Variants in LRRTM4 observed in about 807,000 individuals in gnomAD.
LRRTM4 encodes leucine rich repeat transmembrane neuronal 4, also known as leucine-rich repeat transmembrane neuronal protein 4.
A neutral mutation model predicts 47.6 loss-of-function variants in LRRTM4; 25 were observed. The ratio of observed to expected loss-of-function variants is 0.53; its 90% confidence interval spans 0.38 to 0.73. The LOEUF is 0.73. LRRTM4 is among the 30% of genes least tolerant of loss of function. The pLI, the probability that LRRTM4 is intolerant of heterozygous loss-of-function variation, is 0.00. For missense variants in LRRTM4, 638 were observed against 713.4 expected (o/e 0.89, Z 1.20); for synonymous variants, 311 against 269.5 (o/e 1.15, Z -1.51).
In LRRTM4 at chr2:77,087,035, A is replaced by C. The variant is rs192473978; in HGVS notation, c.1552-338119T>G. On this transcript the variant is annotated intron_variant, in intron 3 of 3. Transcript: ENST00000409884. ...GTAATATTGCAATTATCAGAAACAC[A>C]AAAGAAGATAGAATTGAAAATCAGA... 8.4e-3 allele frequency among the ~76,000 whole-genome samples: 1,280 copies of C among 152,140 alleles called. 17 individuals are homozygous for C. Among genetic ancestry groups the C allele is most frequent in the African/African-American group, 0.029 (1,197 of 41,402 alleles).
At chr2:76,875,845 G>C (rs756400366) in intron 3 of LRRTM4, among the ~76,000 whole-genome samples, 1 of 152,088 alleles carries the variant, frequency 6.6e-6, no homozygotes, top group South Asian at 2.1e-4. Context: ...TCAATGTGTT[G>C]TGGGACTGGG....
chr2:76,815,340 C>A (rs1670868800), intron 3 of LRRTM4, among the ~76,000 whole-genome samples: 1 of 151,952 alleles, frequency 6.6e-6, no homozygotes, highest in African/African-American at 2.4e-5. Flanking sequence ...TAGGGAGGGG[C>A]CTGGCTCCAA....
chr2:77,056,249 G>C (rs1679604627), intron 3 of LRRTM4, among the ~76,000 whole-genome samples: 2 of 152,110 alleles, frequency 1.3e-5, no homozygotes, highest in South Asian at 4.1e-4. Flanking sequence ...GCAGTTTAGA[G>C]AGACCAATAA....
chr2:76,780,809 C>T (rs970447741), intron 3 of LRRTM4, among the ~76,000 whole-genome samples: 8 of 152,152 alleles, frequency 5.3e-5, no homozygotes, highest in South Asian at 4.2e-4. Context: ...TGAGGAACTG[C>T]GTTCCTTTGG....
At chr2:77,071,314 G>C (rs917668947) in intron 3 of LRRTM4, among the ~76,000 whole-genome samples, 1 of 151,984 alleles carries the variant, frequency 6.6e-6, no homozygotes, top group Non-Finnish European at 1.5e-5. Context: ...TATTCTTTTT[G>C]ATATATGCAT....
chr2:77,331,292 C>G (rs1670964383), intron 3 of LRRTM4, among the ~76,000 whole-genome samples: 1 of 151,982 alleles, frequency 6.6e-6, no homozygotes, highest in African/African-American at 2.4e-5. Flanking sequence ...AAAAGAAAAC[C>G]AGACAAAGTG....
At chr2:77,464,654 G>A (rs909137272) in intron 3 of LRRTM4, among the ~76,000 whole-genome samples, 1 of 152,086 alleles carries the variant, frequency 6.6e-6, no homozygotes, top group East Asian at 1.9e-4. Context: ...TCTTAGGCAC[G>A]TTTTGTTCTT....
At chr2:77,341,601 G>A (rs550756119) in intron 3 of LRRTM4, among the ~76,000 whole-genome samples, 10 of 152,106 alleles carry the variant, frequency 6.6e-5, no homozygotes, top group South Asian at 2.1e-4. Flanking sequence ...CGCATGCTGC[G>A]GTTTAGCGTA....
chr2:76,846,824 T>G (rs902151669), intron 3 of LRRTM4, among the ~76,000 whole-genome samples: 5 of 152,200 alleles, frequency 3.3e-5, no homozygotes, highest in Non-Finnish European at 7.3e-5. Flanking sequence ...GAAATTTTCA[T>G]GGATATAGCC....
chr2:77,002,565 T>C (rs1677473435), intron 3 of LRRTM4, among the ~76,000 whole-genome samples: 1 of 152,170 alleles, frequency 6.6e-6, no homozygotes. Context: ...TCAAACAATC[T>C]ATTCTTTTCA....
At chr2:77,062,994 G>A (rs369101655) in intron 3 of LRRTM4, among the ~76,000 whole-genome samples, 22 of 138,826 alleles carry the variant, frequency 1.6e-4, no homozygotes, top group South Asian at 2.2e-4. Context: ...TTGCTCTGTC[G>A]CCCAGGCTGG....
intron 3 of LRRTM4, among the ~76,000 whole-genome samples, chr2:77,113,721 T>C (rs1671313229): frequency 6.6e-6 from 1 of 151,970 alleles, no homozygotes; most frequent in Non-Finnish European, 1.5e-5. Flanking sequence ...AGAAGCAGCC[T>C]GAGTGGATGG....
chr2:77,271,880 G>A (rs143097796), intron 3 of LRRTM4, among the ~76,000 whole-genome samples: 11 of 152,128 alleles, frequency 7.2e-5, no homozygotes, highest in East Asian at 5.8e-4. Context: ...TGTGTCATGC[G>A]TACTCACTCC....
intron 3 of LRRTM4, among the ~76,000 whole-genome samples, chr2:77,070,617 T>C (rs1386413171): frequency 6.6e-6 from 1 of 152,068 alleles, no homozygotes; most frequent in Non-Finnish European, 1.5e-5. Flanking sequence ...ATAAAGTTGA[T>C]TTTTTTGTTT....
At chr2:77,491,581 GA>G (rs925889854) in intron 3 of LRRTM4, among the ~76,000 whole-genome samples, 2 of 150,054 alleles carry the variant, frequency 1.3e-5, no homozygotes, top group Non-Finnish European at 3.0e-5. Context: ...AAGTTTAAAA[GA>G]AAAAAATTCT....
chr2:77,473,372 T>C (rs1677263530), intron 3 of LRRTM4, among the ~76,000 whole-genome samples: 1 of 152,130 alleles, frequency 6.6e-6, no homozygotes, highest in Admixed American at 6.6e-5. Flanking sequence ...CAAGAAACCA[T>C]GTGAAATCAA....
intron 3 of LRRTM4, among the ~76,000 whole-genome samples, chr2:77,030,535 T>C (rs541604650): frequency 1.3e-4 from 20 of 152,306 alleles, no homozygotes; most frequent in African/African-American, 4.8e-4. Context: ...AGATAGTGAA[T>C]ATAAATACTT....
chr2:77,327,787 G>GA (rs1332351461), intron 3 of LRRTM4, among the ~76,000 whole-genome samples: 1 of 151,572 alleles, frequency 6.6e-6, no homozygotes, highest in Non-Finnish European at 1.5e-5. Context: ...TGTGTAGAAA[G>GA]AAAAATGTAA....
At chr2:76,860,659 G>A (rs890914110) in intron 3 of LRRTM4, among the ~76,000 whole-genome samples, 6 of 152,000 alleles carry the variant, frequency 3.9e-5, no homozygotes, top group African/African-American at 1.2e-4. Flanking sequence ...AGACTGTTCT[G>A]TTTGCACTTC....
Sources: allele counts gnomAD v4.1 joint callset (sites outside exome capture counted in the v4.1 genomes callset), GRCh38; gene constraint gnomAD v4.1.1; transcripts MANE v1.5; gene names NCBI Gene and HGNC (gene_info 2026-07-23, HGNC 2026-07-21).